The following NTM variants were observed in gnomAD, a reference collection of about 807,000 sequenced individuals.
The protein encoded by NTM is neurotrimin, also known as IgLON family member 2.
A neutral mutation model predicts 42.1 loss-of-function variants in NTM; 13 were observed. The ratio of observed to expected loss-of-function variants is 0.31; its 90% CI spans 0.20 to 0.49. The LOEUF is 0.49. Ranked by LOEUF, NTM falls within the 20% of genes least tolerant of loss-of-function variation. NTM has a pLI of 0.99. For missense variants in NTM, 373 were observed against 452.8 expected (o/e 0.82, Z 1.60); for synonymous variants, 187 against 179.2 (o/e 1.04, Z -0.35).
chr11:131,775,232 A>G (rs1019383371), intron 1 of NTM, among the ~76,000 whole-genome samples: 1 of 152,236 alleles, frequency 6.6e-6, no homozygotes, highest in Non-Finnish European at 1.5e-5. Flanking sequence ...TTAGATTTGG[A>G]GCATTACAAC....
At chr11:131,873,959 TTA>T (rs898094775) in intron 1 of NTM, among the ~76,000 whole-genome samples, 1 of 129,712 alleles carries the variant, frequency 7.7e-6, no homozygotes. Flanking sequence ...TTTCCAGCTT[TTA>T]TATATATATT....
intron 1 of NTM, among the ~76,000 whole-genome samples, chr11:131,556,078 A>G (rs2055372592): frequency 6.6e-6 from 1 of 152,232 alleles, no homozygotes; most frequent in African/African-American, 2.4e-5. Context: ...GTGTTCTGAG[A>G]GCTGTCATGG....
At chr11:132,169,379 A>G (rs1368702670) in intron 3 of NTM, among the ~76,000 whole-genome samples, 6 of 107,524 alleles carry the variant, frequency 5.6e-5, no homozygotes, top group Non-Finnish European at 1.0e-4. Flanking sequence ...TCTGTCACCC[A>G]GGCTGGAGTG....
chr11:131,422,209 C>CGTCACATCTG (rs1565484765), intron 1 of NTM, among the ~76,000 whole-genome samples: 1 of 151,862 alleles, frequency 6.6e-6, no homozygotes, highest in Non-Finnish European at 1.5e-5. Context: ...CATCTGAGAA[C>CGTCACATCTG]AGTCACATTT....
At chr11:131,651,615 G>A (rs1456373882) in intron 1 of NTM, among the ~76,000 whole-genome samples, 1 of 152,146 alleles carries the variant, frequency 6.6e-6, no homozygotes, top group African/African-American at 2.4e-5. Flanking sequence ...ACCGAGGCAG[G>A]TGGATCATGA....
At chr11:131,809,133 T>C (rs1160346693) in intron 1 of NTM, among the ~76,000 whole-genome samples, 1 of 152,240 alleles carries the variant, frequency 6.6e-6, no homozygotes. Flanking sequence ...GAGATACTAA[T>C]GGATGGACTG....
At chr11:132,308,884 A>G (rs1009769147) in intron 5 of NTM, among the ~76,000 whole-genome samples, 3 of 152,212 alleles carry the variant, frequency 2.0e-5, no homozygotes, top group African/African-American at 7.2e-5. Context: ...AAGAAAAAAT[A>G]CGCTTAGGAA....
At chr11:131,445,199 C>T (rs1387722075) in intron 1 of NTM, among the ~76,000 whole-genome samples, 3 of 152,198 alleles carry the variant, frequency 2.0e-5, no homozygotes, top group Non-Finnish European at 4.4e-5. Context: ...CTTCTGAGAG[C>T]TGCATTGTAT....
chr11:132,297,692 T>C (rs1565415822), intron 4 of NTM, among the ~76,000 whole-genome samples: 1 of 152,214 alleles, frequency 6.6e-6, no homozygotes, highest in Non-Finnish European at 1.5e-5. Context: ...TATCATCATC[T>C]ACATTTTTGC....
At chr11:131,726,906 C>G (rs191468259) in intron 1 of NTM, among the ~76,000 whole-genome samples, 1 of 151,316 alleles carries the variant, frequency 6.6e-6, no homozygotes, top group East Asian at 1.9e-4. Context: ...CGGGGCTGGT[C>G]GTCAACTTCT....
At chr11:131,442,884 T>C (rs1213932497) in intron 1 of NTM, among the ~76,000 whole-genome samples, 2 of 152,110 alleles carry the variant, frequency 1.3e-5, no homozygotes, top group African/African-American at 4.8e-5. Context: ...CAATCATTGG[T>C]GGACACTTAG....
chr11:131,572,538 T>A (rs1592090225), intron 1 of NTM, among the ~76,000 whole-genome samples: 1 of 152,252 alleles, frequency 6.6e-6, no homozygotes, highest in South Asian at 2.1e-4. Flanking sequence ...GTGACAAATT[T>A]CAGCTGCCAC....
Position 131,432,839 on chromosome 11 carries a change from C to CTTTTTTTTTTTTTTTTTTTTTT in NTM, c.82+61962_82+61983dup, listed in dbSNP as rs377739708. On this transcript the variant is annotated intron_variant, in intron 1 of 8. Transcript: ENST00000683400. The stretch of plus-strand genomic sequence containing the variant: ...CTACAAAAGATGAAGATTTAGCATT[C>CTTTTTTTTTTTTTTTTTTTTTT]TTTTTTTTTTTTTTTTTTTTTTTTT... 5.5e-4 allele frequency among the ~76,000 whole-genome samples: 38 copies of CTTTTTTTTTTTTTTTTTTTTTT among 68,702 alleles called. 3 individuals are homozygous for CTTTTTTTTTTTTTTTTTTTTTT. Among genetic ancestry groups the CTTTTTTTTTTTTTTTTTTTTTT allele is most frequent in the Non-Finnish European group, 7.7e-4 (30 of 38,812 alleles). 45.1% of individuals were successfully genotyped at this position (68,702 alleles called of 152,430 possible).
intron 1 of NTM, among the ~76,000 whole-genome samples, chr11:131,393,231 C>T (rs1403149483): frequency 1.3e-5 from 2 of 152,208 alleles, no homozygotes; most frequent in Non-Finnish European, 2.9e-5. Flanking sequence ...AAGTGGATCC[C>T]CAGACTGGGA....
chr11:131,465,173 T>C (rs1951770819), intron 1 of NTM, among the ~76,000 whole-genome samples: 1 of 152,212 alleles, frequency 6.6e-6, no homozygotes, highest in Non-Finnish European at 1.5e-5. Flanking sequence ...GCTTTGCTGG[T>C]GACAAATGAG....
At chr11:132,096,487 A>G (rs2061006893) in intron 2 of NTM, among the ~76,000 whole-genome samples, 1 of 152,196 alleles carries the variant, frequency 6.6e-6, no homozygotes. Context: ...CCAAGATTGA[A>G]TGACTCACTT....
At chr11:131,635,229 C>G (rs1163117627) in intron 1 of NTM, among the ~76,000 whole-genome samples, 3 of 152,116 alleles carry the variant, frequency 2.0e-5, no homozygotes, top group African/African-American at 7.2e-5. Context: ...TCAAGAAGAG[C>G]CTTAGGCAGG....
chr11:132,311,313 TA>T (rs2095273111), intron 6 of NTM, among the ~76,000 whole-genome samples: 1 of 152,180 alleles, frequency 6.6e-6, no homozygotes, highest in South Asian at 2.1e-4. Context: ...GGTTTTATCA[TA>T]ATCCTCCCAA....
chr11:131,606,041 T>TTTGA (rs900652217), intron 1 of NTM: 5 of 217,758 alleles, frequency 2.3e-5, no homozygotes, highest in Non-Finnish European at 3.9e-5. Flanking sequence ...TGCTGTGTTT[T>TTTGA]TTGTTTGTTT....
Sources: gnomAD v4.1 joint callset for allele counts (sites outside exome capture counted in the v4.1 genomes callset) on GRCh38, gnomAD v4.1.1 for gene constraint, MANE v1.5 for transcripts, NCBI Gene and HGNC (gene_info 2026-07-23, HGNC 2026-07-21) for gene names.